CAST: variants seen among roughly 807,000 people sequenced by gnomAD.
CAST encodes calpastatin, also known as MIR583 host.
Under a neutral mutation model 119.6 loss-of-function variants are expected in CAST, and 76 were observed. The observed-to-expected ratio is 0.64, with a 90% confidence interval of 0.53 to 0.77. The LOEUF is 0.77. Ranked by LOEUF, CAST falls within the 30% of genes least tolerant of loss-of-function variation. The pLI is 0.00. For missense variants in CAST, 953 were observed against 946.5 expected, an observed-to-expected ratio of 1.01 and a Z score of -0.09; for synonymous variants, 319 against 331.6, an observed-to-expected ratio of 0.96 and a Z score of 0.41.
At chr5:96,593,830 C>T (rs771046006) in intron 1 of CAST, among the ~76,000 whole-genome samples, 3 of 152,178 alleles carry the variant, frequency 2.0e-5, no homozygotes, top group African/African-American at 7.2e-5. Context: ...AGAGCCTGAC[C>T]ACACTGGCAC....
the CAST span, among the ~76,000 whole-genome samples, chr5:96,010,380 C>T: frequency 6.6e-6 from 1 of 152,164 alleles, no homozygotes; most frequent in South Asian, 2.1e-4. Context: ...GGCACGATCT[C>T]AGCTCACTGC....
the CAST span, among the ~76,000 whole-genome samples, chr5:96,312,223 T>C: frequency 1.3e-5 from 2 of 152,084 alleles, no homozygotes; most frequent in Non-Finnish European, 2.9e-5. Context: ...ATTTTATGTT[T>C]TGGATGTCTG....
chr5:96,696,635 G>T (rs527868082), intron 3 of CAST, among the ~76,000 whole-genome samples: 1 of 143,162 alleles, frequency 7.0e-6, no homozygotes, highest in South Asian at 2.2e-4. Context: ...GATCACTTGA[G>T]CCCAGGAGTT....
chr5:96,077,258 A>G, the CAST span, among the ~76,000 whole-genome samples: 2 of 152,172 alleles, frequency 1.3e-5, no homozygotes, highest in Non-Finnish European at 2.9e-5. Flanking sequence ...AAATTCTCAG[A>G]AATGTTATAA....
At chr5:96,003,410 C>T in the CAST span, among the ~76,000 whole-genome samples, 6 of 150,170 alleles carry the variant, frequency 4.0e-5, no homozygotes, top group Admixed American at 6.6e-5. Flanking sequence ...TGGTGGCGGG[C>T]GCCTGTAGTC....
chr5:96,757,382 G>A (rs1328937939), intron 22 of CAST, 62 bp from the exon 23 acceptor site: 3 of 1,427,456 alleles, frequency 2.1e-6, no homozygotes, highest in Non-Finnish European at 3.0e-6. Context: ...ATGTTTACAA[G>A]GTTTCATACT....
chr5:96,169,753 G>C, the CAST span, among the ~76,000 whole-genome samples: 1 of 152,094 alleles, frequency 6.6e-6, no homozygotes, highest in African/African-American at 2.4e-5. Flanking sequence ...GAGATACAAG[G>C]GGAGGATGTC....
the CAST span, among the ~76,000 whole-genome samples, chr5:96,509,194 A>G: frequency 1.1e-4 from 16 of 152,254 alleles, no homozygotes; most frequent in African/African-American, 3.6e-4. Flanking sequence ...AACAGCAATT[A>G]CGATCAGCAA....
intron 24 of CAST, among the ~76,000 whole-genome samples, chr5:96,760,602 A>G (rs1333924060): frequency 6.6e-6 from 1 of 151,924 alleles, no homozygotes; most frequent in Non-Finnish European, 1.5e-5. Flanking sequence ...ATTTGTGGAT[A>G]GCACTACTTG....
chr5:96,586,403 T>C (rs1746861841), intron 1 of CAST, among the ~76,000 whole-genome samples: 1 of 152,252 alleles, frequency 6.6e-6, no homozygotes, highest in Non-Finnish European at 1.5e-5. Flanking sequence ...GGCTTTTTAA[T>C]TTAGTGGTTG....
chr5:96,214,884 C>T, the CAST span: 1 of 152,170 alleles, frequency 6.6e-6, no homozygotes. Context: ...GAAGTTTGCT[C>T]TGTCCTCCTC....
chr5:95,971,692 A>G, the CAST span, among the ~76,000 whole-genome samples: 1 of 152,162 alleles, frequency 6.6e-6, no homozygotes, highest in Non-Finnish European at 1.5e-5. Flanking sequence ...TGTCATACAC[A>G]TGGAATCATA....
chr5:96,093,747 G>A, the CAST span, among the ~76,000 whole-genome samples: 1 of 152,318 alleles, frequency 6.6e-6, no homozygotes, highest in Non-Finnish European at 1.5e-5. Flanking sequence ...GGTAAAATGA[G>A]AGAGATAAGT....
At chr5:96,245,948 G>A in the CAST span, among the ~76,000 whole-genome samples, 4 of 152,226 alleles carry the variant, frequency 2.6e-5, no homozygotes, top group Non-Finnish European at 5.9e-5. Flanking sequence ...GAATCTAAGT[G>A]TATCCCAGAA....
the CAST span, among the ~76,000 whole-genome samples, chr5:96,169,271 C>T: frequency 4.6e-5 from 7 of 152,214 alleles, no homozygotes; most frequent in Admixed American, 3.3e-4. Context: ...CAGTACAGCC[C>T]AGGTAATTTG....
chr5:96,460,356 A>G, the CAST span, among the ~76,000 whole-genome samples: 1 of 152,090 alleles, frequency 6.6e-6, no homozygotes, highest in Admixed American at 6.6e-5. Context: ...GGAGGGGAAC[A>G]TGACAACACT....
At chr5:96,423,392 C>G in the CAST span, 1 of 1,614,030 alleles carries the variant, frequency 6.2e-7, no homozygotes, top group Non-Finnish European at 8.5e-7. Context: ...GCCCGTAATG[C>G]CTTTTTGCCA....
At chr5:96,413,962 A>C in the CAST span, among the ~76,000 whole-genome samples, 2 of 132,384 alleles carry the variant, frequency 1.5e-5, no homozygotes, top group Non-Finnish European at 3.1e-5. Context: ...CACTAAAAAT[A>C]CAAAAAAAAA....
the CAST span, among the ~76,000 whole-genome samples, chr5:96,098,194 G>A: frequency 6.6e-6 from 1 of 152,074 alleles, no homozygotes; most frequent in East Asian, 1.9e-4. Flanking sequence ...TTGTAAATTT[G>A]TTTAAGTTCC....
Sources: allele counts gnomAD v4.1 joint callset (sites outside exome capture counted in the v4.1 genomes callset), GRCh38; gene constraint gnomAD v4.1.1; transcripts MANE v1.5; gene names NCBI Gene and HGNC (gene_info 2026-07-23, HGNC 2026-07-21).